GABRG1: variants seen among roughly 807,000 people sequenced by gnomAD.
GABRG1 encodes the protein gamma-aminobutyric acid type A receptor subunit gamma1, also known as gamma-aminobutyric acid receptor subunit gamma-1.
A neutral mutation model predicts 49.8 loss-of-function variants in GABRG1; 49 were observed. The ratio of observed to expected loss-of-function variants is 0.98; its 90% CI spans 0.78 to 1.25. The LOEUF (loss-of-function observed/expected upper bound fraction) is 1.25, where lower values mean the gene tolerates loss of function less well. GABRG1 is among the 50% of genes most tolerant of loss of function. The probability of loss-of-function intolerance (pLI) is 0.00; values close to 1 mark genes in which losing one functional copy is unlikely to be tolerated. For missense variants in GABRG1, 552 were observed against 552.3 expected (o/e 1.00, Z 0.01); for synonymous variants, 232 against 185.1 (o/e 1.25, Z -2.06).
rs6447493 is a variant in GABRG1, at chr4:46,040,928, C to T, written c.*60G>A. The T allele has an allele frequency of 0.47, 695,103 of 1,486,312 alleles. 165,779 individuals are homozygous for T. The highest frequency in any genetic ancestry group is 0.62 in the African/African-American group (44,062 of 70,992). The allele number at this position is 1,486,312 out of a possible 1,614,324, so 92.1% of individuals were successfully genotyped here. ...AAATTTAAACTTCAAGTTACTGAAG[C>T]ACAAAAGATTCTACTGAATTTAGTC... On this transcript the variant is annotated 3_prime_UTR_variant, in exon 9 of 9. Transcript: ENST00000295452.
At position 46,042,700 on chromosome 4, in the gene GABRG1, A is replaced by G. The variant is rs529541857; in HGVS notation, c.1132-1446T>C. Among the ~76,000 whole-genome samples, 7 of 152,158 alleles carry G rather than the reference A, an allele frequency of 4.6e-5. No individual in the cohort carries two copies. In the South Asian group the frequency reaches 1.4e-3, roughly 32 times the overall value. On this transcript the variant is annotated intron_variant, in intron 8 of 8. Coordinates refer to ENST00000295452, the MANE Select transcript of GABRG1 (RefSeq NM_173536.4). ...GTCCATTTTAGTTCTAAAAAGAAAC[A>G]TAGATTCCAAGTCACCAAATATTAA...
At chr4:46,060,079 TTC>T (rs1313206156) in intron 5 of GABRG1, among the ~76,000 whole-genome samples, 5 of 152,206 alleles carry the variant, frequency 3.3e-5, no homozygotes, top group African/African-American at 1.2e-4. Flanking sequence ...TAAAAAATAT[TTC>T]TGTTTCTGGC....
At chr4:46,085,451 CT>C (rs1560364807) in intron 2 of GABRG1, among the ~76,000 whole-genome samples, 1 of 151,472 alleles carries the variant, frequency 6.6e-6, no homozygotes, top group Admixed American at 6.6e-5. Flanking sequence ...TCCAATATTG[CT>C]ACTAATATAG....
In GABRG1 at chr4:46,072,319, G is replaced by A. The variant is rs145751709; in HGVS notation, c.322-6735C>T. Among the ~76,000 whole-genome samples, 344 of 152,094 alleles carry A rather than the reference G, an allele frequency of 2.3e-3. 1 individual carries two copies. Among genetic ancestry groups the A allele is most frequent in the African/African-American group, 7.6e-3 (316 of 41,524 alleles). The stretch of plus-strand genomic sequence containing the variant: ...ACTAAAGATACATTTCTTATAATGT[G>A]TCTCTGTCATTAAGTGATACATAAC... On this transcript the variant is annotated intron_variant, in intron 3 of 8. Coordinates refer to ENST00000295452, the MANE Select transcript of GABRG1 (RefSeq NM_173536.4).
intron 2 of GABRG1, among the ~76,000 whole-genome samples, chr4:46,088,815 T>TTGTG (rs3069486): frequency 1.0e-3 from 132 of 131,682 alleles, no homozygotes; most frequent in South Asian, 7.7e-3. Context: ...TTGTGTGTGT[T>TTGTG]TGTGTGTGTG....
chr4:46,068,865 G>A (rs532408483), intron 3 of GABRG1, among the ~76,000 whole-genome samples: 7 of 152,086 alleles, frequency 4.6e-5, no homozygotes, highest in African/African-American at 7.2e-5. Flanking sequence ...TACTCAGAAC[G>A]AAAATACAAG....
intron 8 of GABRG1, among the ~76,000 whole-genome samples, chr4:46,050,722 G>T (rs1443797092): frequency 1.3e-5 from 2 of 151,722 alleles, no homozygotes; most frequent in Non-Finnish European, 2.9e-5. Context: ...GCTTACTGAG[G>T]CTGTTCTTGT....
chr4:46,096,890 A>C (rs1260773344), intron 2 of GABRG1, among the ~76,000 whole-genome samples: 1 of 151,764 alleles, frequency 6.6e-6, no homozygotes, highest in Admixed American at 6.6e-5. Flanking sequence ...AATGGTCATT[A>C]TTCTGTATCT....
chr4:46,099,068 G>A (rs908704825), intron 1 of GABRG1, among the ~76,000 whole-genome samples: 1 of 151,466 alleles, frequency 6.6e-6, no homozygotes, highest in African/African-American at 2.4e-5. Flanking sequence ...TATATTAATA[G>A]TTATCTTCCA....
At chr4:46,121,830 C>T (rs1201007547) in intron 1 of GABRG1, among the ~76,000 whole-genome samples, 1 of 151,996 alleles carries the variant, frequency 6.6e-6, no homozygotes, top group Non-Finnish European at 1.5e-5. Context: ...TCCAGGTTAT[C>T]TACATTACTA....
chr4:46,119,930 A>C (rs1054043994), intron 1 of GABRG1, among the ~76,000 whole-genome samples: 1 of 151,706 alleles, frequency 6.6e-6, no homozygotes, highest in Non-Finnish European at 1.5e-5. Flanking sequence ...ATCATAATAG[A>C]ATAACTATAA....
chr4:46,123,110 A>G (rs1164929123), intron 1 of GABRG1, among the ~76,000 whole-genome samples: 1 of 130,426 alleles, frequency 7.7e-6, no homozygotes, highest in Non-Finnish European at 1.5e-5. Flanking sequence ...AAACACACAC[A>G]CACACACACA....
chr4:46,046,440 A>C (rs545235045), intron 8 of GABRG1, among the ~76,000 whole-genome samples: 1 of 152,110 alleles, frequency 6.6e-6, no homozygotes, highest in South Asian at 2.1e-4. Flanking sequence ...CAATTGTTTA[A>C]GTAACCTTCT....
intron 1 of GABRG1, among the ~76,000 whole-genome samples, chr4:46,114,393 AC>A (rs1299658036): frequency 6.6e-6 from 1 of 150,932 alleles, no homozygotes; most frequent in Non-Finnish European, 1.5e-5. Context: ...ACAGAAGAGA[AC>A]CAAGCCTAGA....
chr4:46,092,984 G>T (rs1441868788), intron 2 of GABRG1, among the ~76,000 whole-genome samples: 1 of 149,914 alleles, frequency 6.7e-6, no homozygotes, highest in East Asian at 2.0e-4. Flanking sequence ...CAGGAGAATT[G>T]CTTGAACCCA....
At chr4:46,051,737 A>G (rs1577632728) in intron 7 of GABRG1, 99 bp from the exon 8 acceptor site, 1 of 668,312 alleles carries the variant, frequency 1.5e-6, no homozygotes, top group East Asian at 2.8e-5. Context: ...AAACAATAGA[A>G]ACAAAAATAT....
intron 1 of GABRG1, among the ~76,000 whole-genome samples, chr4:46,100,118 C>G (rs957904849): frequency 3.3e-5 from 5 of 151,702 alleles, no homozygotes; most frequent in Admixed American, 2.6e-4. Flanking sequence ...TTATTTTGCT[C>G]TACTTATCTT....
intron 8 of GABRG1, among the ~76,000 whole-genome samples, chr4:46,041,715 G>C (rs1717793963): frequency 6.6e-6 from 1 of 152,000 alleles, no homozygotes; most frequent in East Asian, 1.9e-4. Flanking sequence ...GACAAAAAAA[G>C]TTATGGGGTT....
At chr4:46,104,440 T>C (rs904078265) in intron 1 of GABRG1, among the ~76,000 whole-genome samples, 4 of 151,574 alleles carry the variant, frequency 2.6e-5, no homozygotes, top group African/African-American at 9.7e-5. Flanking sequence ...ATGTGTTACA[T>C]TAACTAATCT....
Sources: gnomAD v4.1 joint callset for allele counts (sites outside exome capture counted in the v4.1 genomes callset) on GRCh38, gnomAD v4.1.1 for gene constraint, MANE v1.5 for transcripts, NCBI Gene and HGNC (gene_info 2026-07-23, HGNC 2026-07-21) for gene names.